NSUN3: variants seen among roughly 807,000 people sequenced by gnomAD.
The protein encoded by NSUN3 is NOP2/Sun RNA methyltransferase 3.
Under a neutral mutation model 36.8 loss-of-function variants are expected in NSUN3, and 24 were observed. That is an observed-to-expected ratio of 0.65 (90% CI 0.47 to 0.92). The LOEUF (loss-of-function observed/expected upper bound fraction) is 0.92, where lower values mean the gene tolerates loss of function less well. Among genes scored for constraint, NSUN3 ranks in the 40% least tolerant of loss-of-function variants. NSUN3 has a pLI of 0.00. For missense variants in NSUN3, 381 were observed against 392.8 expected (o/e 0.97, Z 0.25); for synonymous variants, 146 against 145.2 (o/e 1.01, Z -0.04).
chr3:94,112,926 A>T (rs2077423784), intron 5 of NSUN3, among the ~76,000 whole-genome samples: 1 of 152,002 alleles, frequency 6.6e-6, no homozygotes, highest in African/African-American at 2.4e-5. Context: ...GTGCAGTGGC[A>T]CAATCTCGGC....
At chr3:94,125,500 A>T (rs1174081557) in intron 5 of NSUN3, among the ~76,000 whole-genome samples, 4 of 152,230 alleles carry the variant, frequency 2.6e-5, no homozygotes, top group Admixed American at 2.6e-4. Flanking sequence ...TTTCTTAGAT[A>T]AAAACCTTCC....
At position 94,119,854 on chromosome 3, in the gene NSUN3, A is replaced by G. The variant is rs571952863; in HGVS notation, c.744-6357A>G. Reference sequence around the variant, plus strand: ...CCCTAACATTTGCCTTATGGTTTTGAGATTAACCCAATTTGTTTTAAAAAG... The same window carrying G: ...CCCTAACATTTGCCTTATGGTTTTGGGATTAACCCAATTTGTTTTAAAAAG... On this transcript the variant is annotated intron_variant, in intron 5 of 5. Coordinates refer to ENST00000314622, the MANE Select transcript of NSUN3 (RefSeq NM_022072.5). Among the ~76,000 whole-genome samples, 51 of 152,378 alleles carry G rather than the reference A, an allele frequency of 3.3e-4. 1 individual carries two copies. The East Asian group carries it at 9.6e-3, about 29-fold the overall frequency.
At chr3:94,111,990 T>C (rs1438566501) in intron 5 of NSUN3, among the ~76,000 whole-genome samples, 1 of 152,160 alleles carries the variant, frequency 6.6e-6, no homozygotes, top group Non-Finnish European at 1.5e-5. Context: ...CTATGAAGGC[T>C]AAGTCCCAAA....
intron 3 of NSUN3, among the ~76,000 whole-genome samples, chr3:94,090,447 G>A (rs2077309991): frequency 6.6e-6 from 1 of 152,042 alleles, no homozygotes; most frequent in South Asian, 2.1e-4. Flanking sequence ...ATGAAAAGCT[G>A]CCCTGATCTT....
chr3:94,087,912 G>C (rs1576087825), intron 3 of NSUN3, among the ~76,000 whole-genome samples: 1 of 152,212 alleles, frequency 6.6e-6, no homozygotes, highest in South Asian at 2.1e-4. Flanking sequence ...CAAGCAGTCT[G>C]CCTGCCTTGA....
intron 5 of NSUN3, among the ~76,000 whole-genome samples, chr3:94,095,844 T>A (rs2077336324): frequency 6.6e-6 from 1 of 151,970 alleles, no homozygotes; most frequent in Non-Finnish European, 1.5e-5. Context: ...CCTCCCAAGT[T>A]CAAGCTATTC....
At chr3:94,124,148 C>CTTTTTTTTTTTTT (rs58987431) in intron 5 of NSUN3, among the ~76,000 whole-genome samples, 2 of 88,186 alleles carry the variant, frequency 2.3e-5, no homozygotes, top group Non-Finnish European at 4.2e-5. Context: ...TATTTTATTT[C>CTTTTTTTTTTTTT]TTTTTTTTTT....
At position 94,127,040 on chromosome 3, in the gene NSUN3, T is replaced by C. The variant is rs2077490150; in HGVS notation, c.*550T>C. The C allele has an allele frequency of 6.6e-6, 1 of 152,482 alleles. No homozygotes were observed. Among genetic ancestry groups the C allele is most frequent in the Admixed American group, 6.5e-5 (1 of 15,324 alleles). The allele number at this position is 152,482 out of a possible 1,614,324, so 9.4% of individuals were successfully genotyped here. A position where few individuals can be genotyped will look rare whatever the true frequency, so the allele number is the denominator to read the frequency against. ...CAATGTTGTTTTCTGTTAAAGACTA[T>C]ATTATGTTTACTGCAAAGGTCAGTG... On this transcript the variant is annotated 3_prime_UTR_variant, in exon 6 of 6. Coordinates refer to ENST00000314622, the MANE Select transcript of NSUN3 (RefSeq NM_022072.5).
intron 2 of NSUN3, among the ~76,000 whole-genome samples, chr3:94,064,747 C>T (rs1017466502): frequency 2.0e-5 from 3 of 152,038 alleles, no homozygotes; most frequent in Non-Finnish European, 4.4e-5. Context: ...AAAACTTTGT[C>T]GGGATGGTAA....
At chr3:94,080,249 A>G (rs1240642710) in intron 2 of NSUN3, among the ~76,000 whole-genome samples, 1 of 152,182 alleles carries the variant, frequency 6.6e-6, no homozygotes, top group African/African-American at 2.4e-5. Flanking sequence ...CGGAGGCTGC[A>G]GAACAGCAAA....
rs2077193977 is a variant in NSUN3, at chr3:94,064,251, A to G, written c.13-186A>G. The G allele has an allele frequency of 8.9e-6, 5 of 563,666 alleles. No homozygotes were observed. The Admixed American group carries it at 1.3e-4, about 14-fold the overall frequency. 34.9% of individuals were successfully genotyped at this position (563,666 alleles called of 1,614,324 possible). A position where few individuals can be genotyped will look rare whatever the true frequency, so the allele number is the denominator to read the frequency against. On this transcript the variant is annotated intron_variant, in intron 1 of 5. Transcript: ENST00000314622. ...TCACATTTGGAAAATAATTATTTGGAAAAACCTTGCTTTTTCATAATTAGA... is the reference window on the plus strand; with the variant it reads ...TCACATTTGGAAAATAATTATTTGGGAAAACCTTGCTTTTTCATAATTAGA...
chr3:94,080,137 C>T (rs376093244), intron 2 of NSUN3, among the ~76,000 whole-genome samples: 1 of 152,236 alleles, frequency 6.6e-6, no homozygotes, highest in African/African-American at 2.4e-5. Flanking sequence ...CTATTCCTTT[C>T]TGTTTGTTAG....
intron 2 of NSUN3, among the ~76,000 whole-genome samples, chr3:94,074,345 T>A (rs1431710242): frequency 6.6e-6 from 1 of 152,190 alleles, no homozygotes; most frequent in Non-Finnish European, 1.5e-5. Context: ...GTGAAGAAAG[T>A]CAATGGTAGC....
intron 2 of NSUN3, among the ~76,000 whole-genome samples, chr3:94,067,407 G>A (rs879346779): frequency 3.3e-5 from 5 of 152,102 alleles, no homozygotes; most frequent in African/African-American, 4.8e-5. Context: ...CAGTGAGTTC[G>A]GTTGTGTCCC....
At chr3:94,068,978 T>C (rs1419402631) in intron 2 of NSUN3, among the ~76,000 whole-genome samples, 1 of 152,224 alleles carries the variant, frequency 6.6e-6, no homozygotes. Flanking sequence ...AAGTAACTTT[T>C]AGACACTTTA....
intron 5 of NSUN3, among the ~76,000 whole-genome samples, chr3:94,103,439 A>G (rs1446909969): frequency 3.3e-5 from 5 of 151,674 alleles, no homozygotes. Flanking sequence ...CAATATTATT[A>G]TACAATAGTA....
intron 2 of NSUN3, among the ~76,000 whole-genome samples, chr3:94,077,896 G>A (rs2077253341): frequency 6.6e-6 from 1 of 152,068 alleles, no homozygotes; most frequent in Non-Finnish European, 1.5e-5. Flanking sequence ...CCAGCTCCTG[G>A]ATTCATTGAT....
At chr3:94,101,054 C>T (rs1278548276) in intron 5 of NSUN3, among the ~76,000 whole-genome samples, 3 of 151,978 alleles carry the variant, frequency 2.0e-5, no homozygotes, top group Non-Finnish European at 1.5e-5. Flanking sequence ...AGCAGTGGTG[C>T]GATCATAACT....
chr3:94,090,959 T>G (rs1384859910), intron 3 of NSUN3, among the ~76,000 whole-genome samples: 1 of 152,100 alleles, frequency 6.6e-6, no homozygotes, highest in African/African-American at 2.4e-5. Context: ...CAGGAAGAAA[T>G]TGTCCTCTCC....
Sources: gnomAD v4.1 joint callset for allele counts (sites outside exome capture counted in the v4.1 genomes callset) on GRCh38, gnomAD v4.1.1 for gene constraint, MANE v1.5 for transcripts, NCBI Gene and HGNC (gene_info 2026-07-23, HGNC 2026-07-21) for gene names.